NR3C1: variants seen among roughly 807,000 people sequenced by gnomAD.
The protein encoded by NR3C1 is nuclear receptor subfamily 3 group C member 1.
In NR3C1, 14 loss-of-function variants were observed where a neutral mutation model predicts 74.0. The ratio of observed to expected loss-of-function variants is 0.19; its 90% confidence interval spans 0.12 to 0.30. The LOEUF is 0.30. Ranked by LOEUF, NR3C1 falls within the 10% of genes least tolerant of loss-of-function variation. The pLI is 1.00. For missense variants in NR3C1, 695 were observed against 909.8 expected (o/e 0.76, Z 3.04); for synonymous variants, 308 against 332.5 (o/e 0.93, Z 0.80).
chr5:143,285,248 A>G (rs753443826), intron 7 of NR3C1, among the ~76,000 whole-genome samples: 1 of 152,112 alleles, frequency 6.6e-6, no homozygotes, highest in Non-Finnish European at 1.5e-5. Flanking sequence ...TTCAGTAGAG[A>G]CCTAGGGGCC....
At chr5:143,346,900 G>GA (rs1829393816) in intron 2 of NR3C1, among the ~76,000 whole-genome samples, 1 of 152,204 alleles carries the variant, frequency 6.6e-6, no homozygotes, top group Non-Finnish European at 1.5e-5. Context: ...GGCAGAAATA[G>GA]TGAATGGTAT....
intron 2 of NR3C1, among the ~76,000 whole-genome samples, chr5:143,339,370 T>C (rs894004281): frequency 2.0e-5 from 3 of 152,220 alleles, no homozygotes; most frequent in Non-Finnish European, 2.9e-5. Flanking sequence ...CTAAGCTGGT[T>C]CTCTAATTCT....
intron 2 of NR3C1, among the ~76,000 whole-genome samples, chr5:143,398,072 C>T (rs61751161): frequency 5.0e-4 from 76 of 151,988 alleles, no homozygotes; most frequent in African/African-American, 1.8e-3. Context: ...GAGTTTCCTA[C>T]AGATAGCTTA....
intron 1 of NR3C1, among the ~76,000 whole-genome samples, chr5:143,431,817 A>G (rs1751842041): frequency 6.6e-6 from 1 of 152,178 alleles, no homozygotes; most frequent in African/African-American, 2.4e-5. Context: ...GATTTGGAAG[A>G]ATAATAACTC....
intron 2 of NR3C1, among the ~76,000 whole-genome samples, chr5:143,386,698 T>G (rs188997807): frequency 6.6e-6 from 1 of 152,228 alleles, no homozygotes; most frequent in African/African-American, 2.4e-5. Context: ...ATAATTTTAC[T>G]GATGGAATGA....
At chr5:143,304,589 C>T (rs1304493602) in intron 4 of NR3C1, among the ~76,000 whole-genome samples, 1 of 151,974 alleles carries the variant, frequency 6.6e-6, no homozygotes, top group South Asian at 2.1e-4. Context: ...AAAAAATGCC[C>T]CAAATAGCCA....
At chr5:143,324,233 G>A (rs1824052643) in intron 2 of NR3C1, among the ~76,000 whole-genome samples, 1 of 152,226 alleles carries the variant, frequency 6.6e-6, no homozygotes, top group Non-Finnish European at 1.5e-5. Flanking sequence ...TGACAGCCCT[G>A]CCCTGCAGTA....
At chr5:143,415,391 C>G (rs908068297) in intron 1 of NR3C1, among the ~76,000 whole-genome samples, 2 of 152,054 alleles carry the variant, frequency 1.3e-5, no homozygotes, top group African/African-American at 4.8e-5. Flanking sequence ...TTAACGATTA[C>G]AAAATTACAG....
chr5:143,419,734 C>A (rs775325101), intron 1 of NR3C1, among the ~76,000 whole-genome samples: 1 of 152,104 alleles, frequency 6.6e-6, no homozygotes, highest in African/African-American at 2.4e-5. Flanking sequence ...GACCACAGGA[C>A]GGGGGCGAAA....
intron 2 of NR3C1, among the ~76,000 whole-genome samples, chr5:143,366,237 G>A (rs369095292): frequency 4.6e-5 from 7 of 152,046 alleles, no homozygotes; most frequent in African/African-American, 9.7e-5. Context: ...GGTTGGGCAC[G>A]GTAGCTCACA....
Position 143,279,322 on chromosome 5 carries a change from T to TTGAG in NR3C1, c.*2563_*2566dup, listed in dbSNP as rs1350259949. On this transcript the variant is annotated 3_prime_UTR_variant, in exon 9 of 9. Coordinates refer to ENST00000394464, the MANE Select transcript of NR3C1 (RefSeq NM_000176.3). ...AGTGCACATAATCTTCTTTTTCTCA[T>TTGAG]TGAGTTCTATTTTTTGAGCGCCAAG... 2 of 1,538,158 alleles carry TTGAG rather than the reference T, an allele frequency of 1.3e-6. No individual in the cohort carries two copies. Among genetic ancestry groups the TTGAG allele is most frequent in the Admixed American group, 2.1e-5 (1 of 47,804 alleles).
intron 2 of NR3C1, among the ~76,000 whole-genome samples, chr5:143,369,607 T>C (rs113646730): frequency 2.0e-5 from 3 of 152,294 alleles, no homozygotes; most frequent in African/African-American, 7.2e-5. Context: ...AGAAGCCACA[T>C]ATATATGATT....
chr5:143,351,651 T>C (rs556409340), intron 2 of NR3C1, among the ~76,000 whole-genome samples: 6 of 152,296 alleles, frequency 3.9e-5, no homozygotes, highest in Non-Finnish European at 7.4e-5. Context: ...TAATAACACA[T>C]TTGATCAATA....
At chr5:143,337,015 A>G (rs944988272) in intron 2 of NR3C1, among the ~76,000 whole-genome samples, 18 of 152,092 alleles carry the variant, frequency 1.2e-4, no homozygotes, top group Non-Finnish European at 2.2e-4. Flanking sequence ...ATATATATAC[A>G]CACACGCACA....
At chr5:143,421,604 T>G (rs1265117622) in intron 1 of NR3C1, among the ~76,000 whole-genome samples, 1 of 152,008 alleles carries the variant, frequency 6.6e-6, no homozygotes, top group Non-Finnish European at 1.5e-5. Flanking sequence ...GCACATCACT[T>G]GAGGTCTGGA....
At chr5:143,361,509 C>T (rs938540747) in intron 2 of NR3C1, among the ~76,000 whole-genome samples, 5 of 152,074 alleles carry the variant, frequency 3.3e-5, no homozygotes, top group Non-Finnish European at 5.9e-5. Flanking sequence ...TAATGCAAGC[C>T]GGGTGGATTT....
chr5:143,409,806 C>T (rs150660969), intron 1 of NR3C1, among the ~76,000 whole-genome samples: 9 of 152,274 alleles, frequency 5.9e-5, no homozygotes, highest in East Asian at 1.9e-4. Flanking sequence ...TTAACATTCC[C>T]GCCTGGACTG....
rs1840102893 is a variant in NR3C1, at chr5:143,400,672, G to A, written c.168C>T (p.Ser56=). ...PSLAVASQSD[S]KQRRLLVDFP... ...AATCAACCAAAAGTCTTCGCTGCTT[G>A]GAGTCTGATTGAGAAGCGACAGCCA... is the stretch of plus-strand genomic sequence containing the variant. Residue 56 remains serine (S), a synonymous_variant, in exon 2 of 9, where the codon TCC becomes TCT. Transcript: ENST00000394464. 1 of 1,613,992 alleles carries A rather than the reference G, an allele frequency of 6.2e-7. No homozygotes were observed. Among genetic ancestry groups the A allele is most frequent in the Non-Finnish European group, 8.5e-7 (1 of 1,179,846 alleles).
At chr5:143,334,264 C>T (rs1826635188) in intron 2 of NR3C1, among the ~76,000 whole-genome samples, 1 of 152,032 alleles carries the variant, frequency 6.6e-6, no homozygotes, top group Non-Finnish European at 1.5e-5. Flanking sequence ...TGCCTGTAAT[C>T]CCAGCTACTC....
Sources: gnomAD v4.1 joint callset for allele counts (sites outside exome capture counted in the v4.1 genomes callset) on GRCh38, gnomAD v4.1.1 for gene constraint, MANE v1.5 for transcripts, NCBI Gene and HGNC (gene_info 2026-07-23, HGNC 2026-07-21) for gene names.